RNF217: variants seen among roughly 807,000 people sequenced by gnomAD.
RNF217 encodes E3 ubiquitin-protein ligase RNF217.
In RNF217, 31 loss-of-function variants were observed where a neutral mutation model predicts 57.8. The observed-to-expected ratio is 0.54, with a 90% confidence interval of 0.40 to 0.72. The LOEUF is 0.72. Among genes scored for constraint, RNF217 ranks in the 30% least tolerant of loss-of-function variants. The pLI is 0.00. For synonymous variants in RNF217, 313 were observed against 294.0 expected (o/e 1.06, Z -0.66); for missense variants, 696 against 708.3 (o/e 0.98, Z 0.20).
chr6:124,979,042 T>C (rs1008029410), intron 1 of RNF217, among the ~76,000 whole-genome samples: 2 of 151,792 alleles, frequency 1.3e-5, no homozygotes, highest in African/African-American at 4.8e-5. Context: ...AAGAAACCAA[T>C]AGAGAGAGAG....
At chr6:125,053,382 C>T (rs565303052) in intron 2 of RNF217, among the ~76,000 whole-genome samples, 1 of 152,242 alleles carries the variant, frequency 6.6e-6, no homozygotes. Context: ...TGAATTGATA[C>T]ATGTGCTTCA....
intron 3 of RNF217, among the ~76,000 whole-genome samples, chr6:125,067,065 G>C (rs1006039134): frequency 1.3e-5 from 2 of 152,208 alleles, no homozygotes; most frequent in Non-Finnish European, 2.9e-5. Context: ...GAGCTAGGTT[G>C]TGGAGGATTG....
intron 1 of RNF217, among the ~76,000 whole-genome samples, chr6:125,010,059 A>G (rs951163603): frequency 1.2e-4 from 18 of 149,312 alleles, no homozygotes; most frequent in Non-Finnish European, 2.4e-4. Context: ...CACAGAGAAA[A>G]GGGGAAGAGA....
chr6:125,021,721 T>C lies in RNF217; in HGVS notation c.883-23490T>C, dbSNP rs574511039. Reference sequence around the variant, plus strand: ...AAGCCTGATTTTTTCCCCATTTTTCTGTTTTCCCAGTTTCCTTTATAAAGT... The same window carrying C: ...AAGCCTGATTTTTTCCCCATTTTTCCGTTTTCCCAGTTTCCTTTATAAAGT... On this transcript the variant is annotated intron_variant, in intron 1 of 5. Transcript: ENST00000521654. 3.9e-5 allele frequency among the ~76,000 whole-genome samples: 6 copies of C among 152,360 alleles called. No individual in the cohort carries two copies. In the South Asian group the frequency reaches 1.2e-3, roughly 32 times the overall value.
At chr6:125,033,307 T>C (rs1351032560) in intron 1 of RNF217, among the ~76,000 whole-genome samples, 30 of 146,352 alleles carry the variant, frequency 2.0e-4, no homozygotes, top group South Asian at 1.4e-3. Context: ...ACTCGTCATT[T>C]AGCATTAGGT....
chr6:125,072,422 C>G (rs940742926), intron 3 of RNF217, among the ~76,000 whole-genome samples: 1 of 152,166 alleles, frequency 6.6e-6, no homozygotes, highest in Non-Finnish European at 1.5e-5. Context: ...AATTTTACCA[C>G]TTCCTGTACA....
intron 1 of RNF217, among the ~76,000 whole-genome samples, chr6:125,005,660 A>G (rs930368678): frequency 6.6e-6 from 1 of 152,232 alleles, no homozygotes; most frequent in Admixed American, 6.5e-5. Context: ...TTAATTTTTA[A>G]GAATCTTTAA....
At chr6:124,971,888 C>T (rs1323974095) in intron 1 of RNF217, among the ~76,000 whole-genome samples, 2 of 152,174 alleles carry the variant, frequency 1.3e-5, no homozygotes, top group East Asian at 1.9e-4. Context: ...AGCTAAACCT[C>T]TTCTCTTCTC....
At chr6:124,968,369 G>T (rs1260631840) in intron 1 of RNF217, among the ~76,000 whole-genome samples, 12 of 152,036 alleles carry the variant, frequency 7.9e-5, no homozygotes, top group Admixed American at 7.2e-4. Context: ...GTGTCTGGGG[G>T]TGCAGTAACA....
intron 1 of RNF217, among the ~76,000 whole-genome samples, chr6:124,973,753 C>A (rs1368291179): frequency 6.6e-6 from 1 of 152,116 alleles, no homozygotes. Flanking sequence ...GGTGTGTCTT[C>A]TTTAATTACA....
rs1005903555 is a variant in RNF217, at chr6:125,012,912, A to G, written c.883-32299A>G. On this transcript the variant is annotated intron_variant, in intron 1 of 5. Coordinates refer to ENST00000521654, the MANE Select transcript of RNF217 (RefSeq NM_001286398.3). ...CCTTAAATTGAAGGTATATTTTCAG[A>G]ACTTCTAGTAAAATATCTTTGAACA... Among the ~76,000 whole-genome samples, 8 of 152,152 alleles carry G rather than the reference A, an allele frequency of 5.3e-5. No individual in the cohort carries two copies. The East Asian group carries it at 1.5e-3, about 29-fold the overall frequency.
chr6:125,029,229 C>T (rs924171989), intron 1 of RNF217, among the ~76,000 whole-genome samples: 1 of 152,032 alleles, frequency 6.6e-6, no homozygotes, highest in Non-Finnish European at 1.5e-5. Flanking sequence ...GACACTTATA[C>T]CCCTAGAATG....
At chr6:125,005,393 T>G (rs1785142658) in intron 1 of RNF217, among the ~76,000 whole-genome samples, 2 of 152,218 alleles carry the variant, frequency 1.3e-5, no homozygotes, top group Non-Finnish European at 2.9e-5. Context: ...CAAATATGGC[T>G]TGCATAACAT....
rs892157653 is a variant in RNF217 at position 125,009,170 on chromosome 6, A to G, written c.883-36041A>G. 1.2e-5 allele frequency: 19 copies of G among 1,530,422 alleles called. No individual in the cohort carries two copies. In the Admixed American group the frequency reaches 2.7e-4, roughly 21 times the overall value. 94.8% of individuals were successfully genotyped at this position (1,530,422 alleles called of 1,614,324 possible). The stretch of plus-strand genomic sequence containing the variant: ...TGCCATTTTTTCTCTTCTCATATTC[A>G]TAGGTCCATTGCCAGCACTTGAGTA... On this transcript the variant is annotated intron_variant, in intron 1 of 5. Coordinates refer to ENST00000521654, the MANE Select transcript of RNF217 (RefSeq NM_001286398.3).
At chr6:125,012,928 T>A (rs1015510571) in intron 1 of RNF217, among the ~76,000 whole-genome samples, 4 of 152,172 alleles carry the variant, frequency 2.6e-5, no homozygotes, top group African/African-American at 9.6e-5. Flanking sequence ...TAGTAAAATA[T>A]CTTTGAACAA....
chr6:125,011,213 G>A (rs1463924262), intron 1 of RNF217, among the ~76,000 whole-genome samples: 1 of 152,184 alleles, frequency 6.6e-6, no homozygotes, highest in Non-Finnish European at 1.5e-5. Flanking sequence ...TTTAGGGACA[G>A]TAGAAAGCTA....
At chr6:125,004,089 CAAAT>C (rs1785084862) in intron 1 of RNF217, among the ~76,000 whole-genome samples, 1 of 152,014 alleles carries the variant, frequency 6.6e-6, no homozygotes, top group Non-Finnish European at 1.5e-5. Context: ...ATTCATCCAT[CAAAT>C]AAGGTTGCCT....
intron 3 of RNF217, among the ~76,000 whole-genome samples, chr6:125,060,173 T>C (rs1246431100): frequency 1.3e-5 from 2 of 152,144 alleles, no homozygotes; most frequent in Non-Finnish European, 2.9e-5. Flanking sequence ...TTTCTTTTCA[T>C]AAATATATCT....
chr6:125,010,182 C>G (rs924576764), intron 1 of RNF217, among the ~76,000 whole-genome samples: 2 of 152,044 alleles, frequency 1.3e-5, no homozygotes, highest in Admixed American at 1.3e-4. Flanking sequence ...GTATTTTGCT[C>G]TAAAGGAATG....
Sources: allele counts gnomAD v4.1 joint callset (sites outside exome capture counted in the v4.1 genomes callset), GRCh38; gene constraint gnomAD v4.1.1; transcripts MANE v1.5; gene names NCBI Gene and HGNC (gene_info 2026-07-23, HGNC 2026-07-21).